TATDN2: variants seen among roughly 807,000 people sequenced by gnomAD.
The protein encoded by TATDN2 is 3'-5' RNA nuclease TATDN2.
TATDN2 carries 44 observed loss-of-function variants against 60.3 expected under a neutral mutation model. The ratio of observed to expected loss-of-function variants is 0.73; its 90% CI spans 0.57 to 0.94. The LOEUF (loss-of-function observed/expected upper bound fraction) is 0.94. Among genes scored for constraint, TATDN2 ranks in the 40% least tolerant of loss-of-function variants. The pLI is 0.00. For synonymous variants in TATDN2, 399 were observed against 355.8 expected, an observed-to-expected ratio of 1.12 and a Z score of -1.37; for missense variants, 997 against 948.0, an observed-to-expected ratio of 1.05 and a Z score of -0.68.
At chr3:10,261,284 G>A (rs1463805228) in intron 3 of TATDN2, among the ~76,000 whole-genome samples, 1 of 152,134 alleles carries the variant, frequency 6.6e-6, no homozygotes, top group Non-Finnish European at 1.5e-5. Flanking sequence ...AACCAGAGAA[G>A]AAGGGAAGGA....
chr3:10,278,865 G>T lies in TATDN2; in HGVS notation c.2146-20G>T. On this transcript the variant is annotated intron_variant, in intron 6 of 7. Transcript: ENST00000448281. The surrounding 1 kb of genome is among the most constrained non-coding windows in gnomAD (Gnocchi z 4.7). Reference sequence around the variant, plus strand: ...TGCACACATGGCACAATGATGTTATGACCACTTGATGTCTTCCAGGTTCCC... The same window carrying T: ...TGCACACATGGCACAATGATGTTATTACCACTTGATGTCTTCCAGGTTCCC... 2 of 1,613,944 alleles carry T rather than the reference G, an allele frequency of 1.2e-6. No homozygotes were observed. The highest frequency in any genetic ancestry group is 2.2e-5 in the South Asian group (2 of 91,052).
chr3:10,267,137 T>C (rs1268335038), intron 3 of TATDN2, among the ~76,000 whole-genome samples: 1 of 152,004 alleles, frequency 6.6e-6, no homozygotes, highest in Non-Finnish European at 1.5e-5. Flanking sequence ...CCCAGGCTGG[T>C]CTGGAATTCC....
intron 4 of TATDN2, among the ~76,000 whole-genome samples, chr3:10,275,076 C>G (rs164939): frequency 0.24 from 35,580 of 150,540 alleles, 4,410 homozygotes; most frequent in African/African-American, 0.27. Flanking sequence ...GCCTTTGCCT[C>G]CCAGGTTCAG....
intron 3 of TATDN2, among the ~76,000 whole-genome samples, chr3:10,267,295 A>G (rs1472782401): frequency 6.6e-6 from 1 of 151,422 alleles, no homozygotes; most frequent in Admixed American, 6.6e-5. Flanking sequence ...ATCTGAAAAC[A>G]TTTTCTTGGC....
intron 3 of TATDN2, among the ~76,000 whole-genome samples, chr3:10,267,411 C>G (rs554496248): frequency 6.6e-6 from 1 of 151,962 alleles, no homozygotes; most frequent in African/African-American, 2.4e-5. Context: ...TGCTTTTTTC[C>G]TTACTTTGAC....
At chr3:10,257,858 TTTTTTTTTTTTTTTTTTTG>T (rs952241086) in intron 2 of TATDN2, among the ~76,000 whole-genome samples, 19 of 90,864 alleles carry the variant, frequency 2.1e-4, no homozygotes, top group East Asian at 1.1e-3. Context: ...TTTTTTTTTT[TTTTTTTTTTTTTTTTTTTG>T]GGAGATGGAG....
chr3:10,251,850 T>A (rs1698236205), intron 2 of TATDN2, among the ~76,000 whole-genome samples: 1 of 108,204 alleles, frequency 9.2e-6, no homozygotes, highest in Non-Finnish European at 1.7e-5. Context: ...CCCTGCAGAT[T>A]AAAAATTTTT....
In TATDN2 at chr3:10,278,839, G is replaced by C; in HGVS notation, c.2146-46G>C. ...AGGGAGGGAGTTCTAGATTATGACT[G>C]TGCACACATGGCACAATGATGTTAT... On this transcript the variant is annotated intron_variant, in intron 6 of 7. Coordinates refer to ENST00000448281, the MANE Select transcript of TATDN2 (RefSeq NM_014760.4). The surrounding 1 kb of genome is among the most constrained non-coding windows in gnomAD (Gnocchi z 4.7). The C allele has an allele frequency of 1.2e-6, 2 of 1,613,590 alleles. No homozygotes were observed. Among genetic ancestry groups the C allele is most frequent in the Non-Finnish European group, 8.5e-7 (1 of 1,179,878 alleles).
chr3:10,279,275 G>C lies in TATDN2; in HGVS notation c.*93G>C. On this transcript the variant is annotated 3_prime_UTR_variant, in exon 8 of 8. Coordinates refer to ENST00000448281, the MANE Select transcript of TATDN2 (RefSeq NM_014760.4). Reference sequence around the variant, plus strand: ...TGGCTTGAAGTCTGTGTCTCAGGTCGAGGATGTGTTTAGAGAGCTGATTGG... The same window carrying C: ...TGGCTTGAAGTCTGTGTCTCAGGTCCAGGATGTGTTTAGAGAGCTGATTGG... 2.3e-6 allele frequency: 1 copy of C among 441,520 alleles called. No homozygotes were observed. Among genetic ancestry groups the C allele is most frequent in the East Asian group, 4.9e-5 (1 of 20,284 alleles). 27.4% of individuals were successfully genotyped at this position (441,520 alleles called of 1,614,324 possible).
chr3:10,257,401 T>G (rs568209723), intron 2 of TATDN2, among the ~76,000 whole-genome samples: 1 of 149,102 alleles, frequency 6.7e-6, no homozygotes, highest in Admixed American at 6.7e-5. Flanking sequence ...GAGGCCGAGG[T>G]GGGTGGATCA....
intron 2 of TATDN2, among the ~76,000 whole-genome samples, chr3:10,251,565 T>C (rs1014913206): frequency 1.3e-5 from 2 of 152,022 alleles, no homozygotes; most frequent in Non-Finnish European, 2.9e-5. Context: ...TTTGTATTTT[T>C]AGTGGAGATG....
At chr3:10,276,510 C>G in intron 5 of TATDN2, 22 bp downstream of exon 5, 2 of 1,610,272 alleles carry the variant, frequency 1.2e-6, no homozygotes, top group South Asian at 2.2e-5. Flanking sequence ...GGAACTTCAG[C>G]GGGCAAATGA....
rs184392298 is a variant in TATDN2 at position 10,255,536 on chromosome 3, C to A, written c.415-4601C>A. Among the ~76,000 whole-genome samples the A allele has an allele frequency of 4.8e-3, 729 of 152,010 alleles. 3 individuals carry two copies. The highest frequency in any genetic ancestry group is 0.017 in the African/African-American group (695 of 41,464). ...CCTAATTTTTTTTTTTCTCCCCCAA[C>A]TCCAGTCTTGGTCTTCACAACCAGA... is the stretch of plus-strand genomic sequence containing the variant. On this transcript the variant is annotated intron_variant, in intron 2 of 7. Transcript: ENST00000448281.
chr3:10,264,406 T>C (rs1698449534), intron 3 of TATDN2, among the ~76,000 whole-genome samples: 2 of 152,238 alleles, frequency 1.3e-5, no homozygotes, highest in South Asian at 2.1e-4. Flanking sequence ...GTTTTTGTTA[T>C]TGTAGAGGGG....
chr3:10,266,286 C>T (rs1698473914), intron 3 of TATDN2, among the ~76,000 whole-genome samples: 2 of 152,178 alleles, frequency 1.3e-5, no homozygotes, highest in Non-Finnish European at 2.9e-5. Context: ...GGTGTGTTTT[C>T]TGTCTAATGT....
intron 2 of TATDN2, among the ~76,000 whole-genome samples, chr3:10,251,915 G>A (rs893828328): frequency 2.7e-5 from 4 of 150,424 alleles, no homozygotes; most frequent in Non-Finnish European, 1.5e-5. Context: ...TTGGGAGGCC[G>A]AGGTGGGCAG....
chr3:10,279,136 A>C lies in TATDN2; in HGVS notation c.*38+73A>C, dbSNP rs1238150629. The C allele has an allele frequency of 1.9e-5, 26 of 1,379,860 alleles. No individual in the cohort carries two copies. The East Asian group carries it at 6.2e-4, about 33-fold the overall frequency. 85.5% of individuals were successfully genotyped at this position (1,379,860 alleles called of 1,614,324 possible). On this transcript the variant is annotated intron_variant, in intron 7 of 7. Coordinates refer to ENST00000448281, the MANE Select transcript of TATDN2 (RefSeq NM_014760.4). The stretch of plus-strand genomic sequence containing the variant: ...TTGTTGCATTTTGTTAATGTAAAGA[A>C]TATAAACATAGTATGAGCATTAAGC...
Position 10,249,344 on chromosome 3 carries a change from G to C in TATDN2, c.144G>C (p.Gly48=). Residue 48 remains glycine, a synonymous_variant, in exon 2 of 8, where the codon GGG becomes GGC. Transcript: ENST00000448281. ...AGAGGTCTGCGTCGCGTTCTGGAGG[G>C]CCCAGCAGCCCCAAGCGCCTGAAAG... is the stretch of plus-strand genomic sequence containing the variant. ...PAQRSASRSG[G]PSSPKRLKAQ... is the part of the protein sequence containing the mutation. 6.2e-7 allele frequency: 1 copy of C among 1,612,328 alleles called. No homozygotes were observed.
intron 3 of TATDN2, among the ~76,000 whole-genome samples, chr3:10,262,225 G>T (rs894081400): frequency 5.9e-5 from 9 of 152,146 alleles, no homozygotes; most frequent in Admixed American, 3.3e-4. Context: ...CTGCCGTCAG[G>T]CCAGCTGGCA....
Sources: allele counts gnomAD v4.1 joint callset (sites outside exome capture counted in the v4.1 genomes callset), GRCh38; gene constraint gnomAD v4.1.1; non-coding constraint Gnocchi (gnomAD v3.1); transcripts MANE v1.5; gene names NCBI Gene and HGNC (gene_info 2026-07-23, HGNC 2026-07-21).